The following ARHGEF10L variants were observed in gnomAD, a reference collection of about 807,000 sequenced individuals.
ARHGEF10L encodes rho guanine nucleotide exchange factor 10-like protein.
Under a neutral mutation model 141.2 loss-of-function variants are expected in ARHGEF10L, and 69 were observed. The ratio of observed to expected loss-of-function variants is 0.49; its 90% CI spans 0.40 to 0.60. The LOEUF (loss-of-function observed/expected upper bound fraction) is 0.60. ARHGEF10L is among the 20% of genes least tolerant of loss of function. ARHGEF10L has a pLI of 0.00. For synonymous variants in ARHGEF10L, 711 were observed against 718.5 expected (o/e 0.99, Z 0.17); for missense variants, 1,482 against 1,734.3 (o/e 0.85, Z 2.58).
chr1:17,622,650 G>A (rs1163816821), intron 11 of ARHGEF10L, among the ~76,000 whole-genome samples: 1 of 152,156 alleles, frequency 6.6e-6, no homozygotes, highest in African/African-American at 2.4e-5. Flanking sequence ...GGGTGTGGGA[G>A]CCAAGGGAGC....
chr1:17,587,572 G>A lies in ARHGEF10L; in HGVS notation c.150G>A (p.Leu50=), dbSNP rs1168283209. Residue 50 remains leucine (L), a synonymous_variant, in exon 3 of 29, where the codon CTG becomes CTA. Coordinates refer to ENST00000361221, the MANE Select transcript of ARHGEF10L (RefSeq NM_018125.4). ...ATGAAGAGGACACCAGCGCAGCCCT[G>A]GGCGTCCCCAGCCTTGCTCCTGAGA... ...SDDEEDTSAA[L]GVPSLAPERD... is the part of the protein sequence containing the mutation. 1.2e-6 allele frequency: 2 copies of A among 1,614,182 alleles called. No homozygotes were observed. The highest frequency in any genetic ancestry group is 1.7e-6 in the Non-Finnish European group (2 of 1,180,034).
chr1:17,694,850 C>T (rs1041977478), intron 27 of ARHGEF10L: 30 of 533,506 alleles, frequency 5.6e-5, no homozygotes, highest in Middle Eastern at 5.7e-4. Flanking sequence ...ACCTGGCCGC[C>T]GTGTATTGAG....
Position 17,695,432 on chromosome 1 carries a change from G to A in ARHGEF10L, c.3307+152G>A, listed in dbSNP as rs56335569. The A allele has an allele frequency of 7.0e-3, 8,157 of 1,166,998 alleles. 270 individuals are homozygous for A. In the East Asian group the frequency reaches 0.079, roughly 11 times the overall value. 72.3% of individuals were successfully genotyped at this position (1,166,998 alleles called of 1,614,324 possible). A position where few individuals can be genotyped will look rare whatever the true frequency, so the allele number is the denominator to read the frequency against. The stretch of plus-strand genomic sequence containing the variant: ...CTCATCTCAGGTGGCATGGTGGCCA[G>A]TAGAACTGAATCGTCCTGGCCCCAG... On this transcript the variant is annotated intron_variant, in intron 28 of 28. Coordinates refer to ENST00000361221, the MANE Select transcript of ARHGEF10L (RefSeq NM_018125.4).
At chr1:17,542,631 A>G (rs1408854505) in intron 1 of ARHGEF10L, among the ~76,000 whole-genome samples, 1 of 152,240 alleles carries the variant, frequency 6.6e-6, no homozygotes, top group Non-Finnish European at 1.5e-5. Context: ...TTTTGAAAAG[A>G]TAAAGTAAAT....
At chr1:17,598,760 G>GCTCT (rs893761868) in intron 4 of ARHGEF10L, among the ~76,000 whole-genome samples, 15 of 151,440 alleles carry the variant, frequency 9.9e-5, no homozygotes, top group African/African-American at 3.1e-4. Flanking sequence ...GAGGGCTACT[G>GCTCT]CTCTCTCTCT....
At chr1:17,692,552 T>G (rs1269397000) in intron 27 of ARHGEF10L, among the ~76,000 whole-genome samples, 1 of 152,140 alleles carries the variant, frequency 6.6e-6, no homozygotes, top group Non-Finnish European at 1.5e-5. Context: ...TCCCAGCAGC[T>G]CTGTCGCTCT....
chr1:17,661,240 G>A (rs1220709591), intron 25 of ARHGEF10L, among the ~76,000 whole-genome samples: 2 of 152,134 alleles, frequency 1.3e-5, no homozygotes, highest in African/African-American at 4.8e-5. Flanking sequence ...ACCACACCCA[G>A]CTAATTTTTG....
Position 17,627,235 on chromosome 1 carries a change from G to A in ARHGEF10L, c.1411-95G>A, listed in dbSNP as rs1411536513. ...TCAGGCCGGGCCCTTTGCAGACCCAGTGTGTGTAGGGGGTTGCGCAGGGTG... is the reference window on the plus strand; with the variant it reads ...TCAGGCCGGGCCCTTTGCAGACCCAATGTGTGTAGGGGGTTGCGCAGGGTG... On this transcript the variant is annotated intron_variant, in intron 14 of 28. Coordinates refer to ENST00000361221, the MANE Select transcript of ARHGEF10L (RefSeq NM_018125.4). This position sits in a 1 kb window ranked among gnomAD's most constrained non-coding sequence, Gnocchi z 4.0. 3 of 1,471,596 alleles carry A rather than the reference G, an allele frequency of 2.0e-6. No individual in the cohort carries two copies. In the Admixed American group the frequency reaches 5.9e-5, roughly 29 times the overall value. The allele number at this position is 1,471,596 out of a possible 1,614,324, so 91.2% of individuals were successfully genotyped here.
At chr1:17,587,668 C>T (rs368679670) in intron 3 of ARHGEF10L, 23 bp downstream of exon 3, 46 of 1,592,936 alleles carry the variant, frequency 2.9e-5, no homozygotes, top group East Asian at 1.4e-4. Context: ...TGGGAACTTC[C>T]GGTCCTGGGG....
At chr1:17,575,627 T>C (rs1297349557) in intron 1 of ARHGEF10L, among the ~76,000 whole-genome samples, 3 of 152,108 alleles carry the variant, frequency 2.0e-5, no homozygotes, top group African/African-American at 4.8e-5. Context: ...TGGAGGGCCT[T>C]GCTTAGGACC....
At chr1:17,618,253 G>GC in intron 9 of ARHGEF10L, 12 of 1,356,206 alleles carry the variant, frequency 8.8e-6, no homozygotes, top group Non-Finnish European at 1.1e-5. Flanking sequence ...GCTCTCCTCA[G>GC]CCCTCCCCAC....
chr1:17,610,372 C>T (rs1449519175), intron 7 of ARHGEF10L, among the ~76,000 whole-genome samples: 1 of 152,146 alleles, frequency 6.6e-6, no homozygotes, highest in Non-Finnish European at 1.5e-5. Context: ...GTGTCCCTCA[C>T]ACTCTCAGGC....
chr1:17,636,154 G>A (rs748631222), intron 18 of ARHGEF10L, among the ~76,000 whole-genome samples: 1 of 152,136 alleles, frequency 6.6e-6, no homozygotes, highest in Non-Finnish European at 1.5e-5. Context: ...CTTTCTGCTG[G>A]TCATGCGGTC....
In ARHGEF10L at chr1:17,619,993, A is replaced by C. The variant is rs1397513903; in HGVS notation, c.942+548A>C. ...CAGCTGAGGTCAGGAGTTCGAGACC[A>C]TCCTGGCCAACATGGTGAAACCCCA... On this transcript the variant is annotated intron_variant, in intron 10 of 28. Coordinates refer to ENST00000361221, the MANE Select transcript of ARHGEF10L (RefSeq NM_018125.4). This position sits in a 1 kb window ranked among gnomAD's most constrained non-coding sequence, Gnocchi z 5.0. Among the ~76,000 whole-genome samples the C allele has an allele frequency of 6.6e-6, 1 of 152,106 alleles. No homozygotes were observed. The highest frequency in any genetic ancestry group is 1.5e-5 in the Non-Finnish European group (1 of 68,018).
the ARHGEF10L span, among the ~76,000 whole-genome samples, chr1:17,525,752 CAGCACTTTGGGGGGCTG>C: frequency 5.3e-5 from 8 of 151,934 alleles, no homozygotes; most frequent in East Asian, 1.5e-3. Context: ...ACTGTAATCC[CAGCACTTTGGGGGGCTG>C]AGATGGGCAG....
intron 5 of ARHGEF10L, 58 bp downstream of exon 5, chr1:17,602,276 G>C: frequency 6.5e-7 from 1 of 1,529,876 alleles, no homozygotes; most frequent in Non-Finnish European, 8.8e-7. Context: ...GGATATTCTA[G>C]TCTTTCTAAC....
intron 1 of ARHGEF10L, among the ~76,000 whole-genome samples, chr1:17,562,760 G>A (rs946984496): frequency 3.3e-5 from 5 of 152,226 alleles, no homozygotes; most frequent in African/African-American, 1.2e-4. Flanking sequence ...GACCTTTGAA[G>A]GAGGAAGCGC....
chr1:17,656,249 A>T lies in ARHGEF10L; in HGVS notation c.2705+147A>T. 2 of 1,044,104 alleles carry T rather than the reference A, an allele frequency of 1.9e-6. No homozygotes were observed. The highest frequency in any genetic ancestry group is 2.7e-6 in the Non-Finnish European group (2 of 728,126). 64.7% of individuals were successfully genotyped at this position (1,044,104 alleles called of 1,614,324 possible). A position where few individuals can be genotyped will look rare whatever the true frequency, so the allele number is the denominator to read the frequency against. On this transcript the variant is annotated intron_variant, in intron 24 of 28. Coordinates refer to ENST00000361221, the MANE Select transcript of ARHGEF10L (RefSeq NM_018125.4). The surrounding 1 kb of genome is among the most constrained non-coding windows in gnomAD (Gnocchi z 4.9). ...AGGAAGGTGGGCACCAGAGCTGCCCAGTGTGGGAGCCAAAGTGTCGGGAGC... is the reference window on the plus strand; with the variant it reads ...AGGAAGGTGGGCACCAGAGCTGCCCTGTGTGGGAGCCAAAGTGTCGGGAGC...
At chr1:17,614,324 G>C (rs1242344825) in intron 8 of ARHGEF10L, among the ~76,000 whole-genome samples, 2 of 152,238 alleles carry the variant, frequency 1.3e-5, no homozygotes, top group East Asian at 1.9e-4. Flanking sequence ...TTAGAGAGGT[G>C]CCCAGAGCTA....
Sources: allele counts gnomAD v4.1 joint callset (sites outside exome capture counted in the v4.1 genomes callset), GRCh38; gene constraint gnomAD v4.1.1; non-coding constraint Gnocchi (gnomAD v3.1); transcripts MANE v1.5; gene names NCBI Gene and HGNC (gene_info 2026-07-23, HGNC 2026-07-21).